The following CDH18 variants were observed in gnomAD, a reference collection of about 807,000 sequenced individuals.
The protein encoded by CDH18 is cadherin-18.
In CDH18, 31 loss-of-function variants were observed where a neutral mutation model predicts 67.9. The ratio of observed to expected loss-of-function variants is 0.46; its 90% CI spans 0.34 to 0.62. The LOEUF (loss-of-function observed/expected upper bound fraction) is 0.62. Ranked by LOEUF, CDH18 falls within the 20% of genes least tolerant of loss-of-function variation. The pLI, the probability that CDH18 is intolerant of heterozygous loss-of-function variation, is 0.01. For synonymous variants in CDH18, 362 were observed against 347.2 expected, an observed-to-expected ratio of 1.04 and a Z score of -0.48; for missense variants, 890 against 975.5, an observed-to-expected ratio of 0.91 and a Z score of 1.17.
At chr5:20,440,165 C>G (rs921794313) in intron 1 of CDH18, among the ~76,000 whole-genome samples, 4 of 151,660 alleles carry the variant, frequency 2.6e-5, no homozygotes, top group Admixed American at 6.6e-5. Flanking sequence ...TGTCTTTTGA[C>G]AATATAATAC....
At chr5:20,503,144 T>G (rs1198971464) in intron 1 of CDH18, among the ~76,000 whole-genome samples, 1 of 152,012 alleles carries the variant, frequency 6.6e-6, no homozygotes, top group Non-Finnish European at 1.5e-5. Flanking sequence ...GTGATGGGGA[T>G]GTATAGTTTC....
At chr5:19,671,805 T>A (rs982482431) in intron 5 of CDH18, among the ~76,000 whole-genome samples, 12 of 152,226 alleles carry the variant, frequency 7.9e-5, no homozygotes, top group Admixed American at 7.2e-4. Flanking sequence ...TGCAAAGACC[T>A]AGAAATGGCT....
intron 2 of CDH18, among the ~76,000 whole-genome samples, chr5:20,210,170 G>C (rs931048323): frequency 6.6e-6 from 1 of 151,520 alleles, no homozygotes; most frequent in African/African-American, 2.4e-5. Context: ...GCCTTTTCCA[G>C]AACCTACAAG....
chr5:19,869,419 A>G (rs1178912181), intron 2 of CDH18, among the ~76,000 whole-genome samples: 1 of 152,144 alleles, frequency 6.6e-6, no homozygotes, highest in Non-Finnish European at 1.5e-5. Flanking sequence ...AGCATCTTAT[A>G]ATTTCACCCG....
At chr5:20,092,782 A>T (rs1453445783) in intron 2 of CDH18, among the ~76,000 whole-genome samples, 1 of 152,154 alleles carries the variant, frequency 6.6e-6, no homozygotes, top group Non-Finnish European at 1.5e-5. Context: ...CATTTTTAAT[A>T]TCTTAGAACC....
At chr5:19,819,941 G>C (rs1245826132) in intron 3 of CDH18, among the ~76,000 whole-genome samples, 1 of 152,142 alleles carries the variant, frequency 6.6e-6, no homozygotes, top group Non-Finnish European at 1.5e-5. Flanking sequence ...TGCCCCAGCT[G>C]AGTGTTTTTC....
chr5:20,172,285 G>A (rs1736898417), intron 2 of CDH18, among the ~76,000 whole-genome samples: 1 of 110,180 alleles, frequency 9.1e-6, no homozygotes, highest in African/African-American at 3.5e-5. Context: ...ACACTATGCT[G>A]TTAAGATTTA....
chr5:20,422,636 TC>T (rs1256023500), intron 1 of CDH18, among the ~76,000 whole-genome samples: 1 of 151,072 alleles, frequency 6.6e-6, no homozygotes, highest in Non-Finnish European at 1.5e-5. Context: ...CTTTGCACTC[TC>T]CCCAACACAA....
chr5:20,249,996 A>T (rs1371299541), intron 2 of CDH18, among the ~76,000 whole-genome samples: 2 of 152,106 alleles, frequency 1.3e-5, no homozygotes, highest in East Asian at 3.9e-4. Context: ...AGTAGAAAAA[A>T]ATTTCCTTTT....
At chr5:19,941,619 C>T (rs866712917) in intron 2 of CDH18, among the ~76,000 whole-genome samples, 6 of 150,966 alleles carry the variant, frequency 4.0e-5, no homozygotes, top group African/African-American at 9.7e-5. Context: ...CCCATCCCTA[C>T]AAAAAAGAAA....
In CDH18 at chr5:19,503,069, G is replaced by T. The variant is rs200523395; in HGVS notation, c.1553C>A (p.Ala518Asp). The change falls in exon 11 of 13, where the codon GCC becomes GAC. Residue 518 changes from alanine (A) to aspartate (D), a missense_variant. Transcript: ENST00000382275. The part of the protein sequence containing the change: ...TISATDKDDF[A>D]NGPRFNFFLD... Reference sequence around the variant, plus strand: ...AAAGAAGTTAAACCTTGGTCCATTGGCAAAATCATCTTTATCAGTGGCACT... The same window carrying T: ...AAAGAAGTTAAACCTTGGTCCATTGTCAAAATCATCTTTATCAGTGGCACT... 349 of 1,610,354 alleles carry T rather than the reference G, an allele frequency of 2.2e-4. 2 individuals are homozygous for T. Among genetic ancestry groups the T allele is most frequent in the Non-Finnish European group, 4.0e-5 (47 of 1,176,962 alleles).
chr5:19,642,204 A>G (rs954680544), intron 5 of CDH18, among the ~76,000 whole-genome samples: 4 of 151,998 alleles, frequency 2.6e-5, no homozygotes, highest in African/African-American at 9.7e-5. Flanking sequence ...GAAAGACAGC[A>G]TATACCCACG....
intron 2 of CDH18, among the ~76,000 whole-genome samples, chr5:20,203,060 T>C (rs1739574049): frequency 6.6e-6 from 1 of 152,046 alleles, no homozygotes; most frequent in Non-Finnish European, 1.5e-5. Flanking sequence ...GTAAGAGAAT[T>C]GGACTTCTAT....
At chr5:20,501,717 T>TTGTG (rs1170488048) in intron 1 of CDH18, among the ~76,000 whole-genome samples, 16,481 of 120,992 alleles carry the variant, frequency 0.14, 1,302 homozygotes, top group East Asian at 0.27. Context: ...TCTTAAGGAT[T>TTGTG]TGTGTGTGTG....
At chr5:19,998,271 C>T (rs1437982539) in intron 2 of CDH18, among the ~76,000 whole-genome samples, 1 of 151,942 alleles carries the variant, frequency 6.6e-6, no homozygotes, top group Non-Finnish European at 1.5e-5. Flanking sequence ...GTTAGAGAAA[C>T]AAGTATGAAG....
intron 3 of CDH18, among the ~76,000 whole-genome samples, chr5:19,784,599 A>G (rs1335879619): frequency 6.6e-6 from 1 of 152,188 alleles, no homozygotes; most frequent in Non-Finnish European, 1.5e-5. Flanking sequence ...TCTTACAAGT[A>G]CATTATAGAA....
At chr5:20,258,625 T>G (rs1005396097) in intron 1 of CDH18, among the ~76,000 whole-genome samples, 2 of 152,190 alleles carry the variant, frequency 1.3e-5, no homozygotes, top group Non-Finnish European at 2.9e-5. Context: ...TATAATGACT[T>G]CTAATTTTTA....
chr5:20,365,369 A>T (rs1742424822), intron 1 of CDH18, among the ~76,000 whole-genome samples: 1 of 152,166 alleles, frequency 6.6e-6, no homozygotes, highest in South Asian at 2.1e-4. Flanking sequence ...TAGAGCTTCA[A>T]CATAGACATT....
At chr5:19,668,937 T>C (rs572523413) in intron 5 of CDH18, among the ~76,000 whole-genome samples, 1 of 151,486 alleles carries the variant, frequency 6.6e-6, no homozygotes, top group South Asian at 2.1e-4. Flanking sequence ...AGGAATAAAA[T>C]ATTATACATA....
Sources: allele counts gnomAD v4.1 joint callset (sites outside exome capture counted in the v4.1 genomes callset), GRCh38; gene constraint gnomAD v4.1.1; transcripts MANE v1.5; gene names NCBI Gene and HGNC (gene_info 2026-07-23, HGNC 2026-07-21).